The following CUX1 variants were observed in gnomAD, a reference collection of about 807,000 sequenced individuals.
CUX1 encodes cut like homeobox 1, also known as protein CASP.
CUX1 carries 31 observed loss-of-function variants against 158.8 expected under a neutral mutation model. The ratio of observed to expected loss-of-function variants is 0.20; its 90% CI spans 0.15 to 0.26. The LOEUF (loss-of-function observed/expected upper bound fraction) is 0.26. CUX1 is among the 10% of genes least tolerant of loss of function. The pLI is 1.00. For missense variants in CUX1, 1,589 were observed against 2,014.6 expected (o/e 0.79, Z 4.04); for synonymous variants, 879 against 862.1 (o/e 1.02, Z -0.34).
rs193259884 is a variant in CUX1 at position 102,252,472 on chromosome 7, C to T, written c.*3430C>T. On this transcript the variant is annotated 3_prime_UTR_variant, in exon 24 of 24. Transcript: ENST00000292535. ...GAAACGGTTCCATATAAAACACTAA[C>T]ACTTAATTACAAGCTCCATTATGCC... 172 of 985,464 alleles carry T rather than the reference C, an allele frequency of 1.7e-4. No individual in the cohort carries two copies. The highest frequency in any genetic ancestry group is 1.8e-4 in the Non-Finnish European group (152 of 829,948). The allele number at this position is 985,464 out of a possible 1,614,324, so 61.0% of individuals were successfully genotyped here.
chr7:102,180,914 TTATTG>T (rs797041393), intron 11 of CUX1, among the ~76,000 whole-genome samples: 11,610 of 63,276 alleles, frequency 0.18, 695 homozygotes, highest in African/African-American at 0.42. Flanking sequence ...TTATTTTATT[TTATTG>T]TATTTTATTT....
intron 1 of CUX1, among the ~76,000 whole-genome samples, chr7:101,832,744 G>A (rs1030029943): frequency 2.0e-5 from 3 of 152,220 alleles, no homozygotes; most frequent in Admixed American, 6.5e-5. Flanking sequence ...CTGGTGGCAA[G>A]GCAGGTACCT....
intron 8 of CUX1, among the ~76,000 whole-genome samples, chr7:102,131,308 T>C (rs1833207942): frequency 6.6e-6 from 1 of 152,110 alleles, no homozygotes; most frequent in Non-Finnish European, 1.5e-5. Context: ...TTTCTTATAG[T>C]AGCTTTCTGA....
At chr7:101,816,843 C>T (rs1448220906), upstream of CUX1, 3 of 911,756 alleles carry the variant, frequency 3.3e-6, no homozygotes, top group East Asian at 2.5e-4. Context: ...CCCGGCCGGC[C>T]CCGGCCGCCG....
Position 101,824,655 on chromosome 7 carries a change from C to T in CUX1, c.30+6986C>T, listed in dbSNP as rs560924719. ...TAGCCTCCGGGTGTTACCTGGAGCC[C>T]TTGCTGTCAGGACGGCCTGTCACTT... is the stretch of plus-strand genomic sequence containing the variant. On this transcript the variant is annotated intron_variant, in intron 1 of 23. Transcript: ENST00000292535. 2.6e-5 allele frequency: 4 copies of T among 152,300 alleles called. No individual in the cohort carries two copies. In the South Asian group the frequency reaches 8.3e-4, roughly 32 times the overall value. The allele number at this position is 152,300 out of a possible 1,614,324, so 9.4% of individuals were successfully genotyped here.
Position 102,202,217 on chromosome 7 carries a change from C to T in CUX1, c.2907+13C>T. ...CTTCGGGGAGAAGGTAAGGGATCTG[C>T]TCTGGGGGCTTTGGTTCTCCCATCT... On this transcript the variant is annotated intron_variant, in intron 18 of 23. Coordinates refer to ENST00000292535, the MANE Select transcript of CUX1 (RefSeq NM_181552.4). The T allele has an allele frequency of 1.3e-6, 2 of 1,574,880 alleles. No individual in the cohort carries two copies. Among genetic ancestry groups the T allele is most frequent in the South Asian group, 1.2e-5 (1 of 85,216 alleles).
At chr7:101,851,033 G>A (rs752988849) in intron 1 of CUX1, among the ~76,000 whole-genome samples, 47 of 152,088 alleles carry the variant, frequency 3.1e-4, no homozygotes, top group Non-Finnish European at 6.0e-4. Flanking sequence ...TGCTTAAGCT[G>A]GGGAGGTCAA....
chr7:102,190,885 G>C (rs1554516798), intron 12 of CUX1, among the ~76,000 whole-genome samples: 1 of 152,000 alleles, frequency 6.6e-6, no homozygotes, highest in African/African-American at 2.4e-5. Flanking sequence ...TGCCCCTCCT[G>C]CTGTCCCATC....
At chr7:102,123,982 T>C (rs1330248397) in intron 8 of CUX1, among the ~76,000 whole-genome samples, 7 of 152,146 alleles carry the variant, frequency 4.6e-5, no homozygotes, top group Non-Finnish European at 1.0e-4. Flanking sequence ...ATCATATTCA[T>C]CCAGCATCCT....
At chr7:102,242,692 C>T (rs1437046993) in intron 23 of CUX1, among the ~76,000 whole-genome samples, 1 of 152,154 alleles carries the variant, frequency 6.6e-6, no homozygotes, top group Non-Finnish European at 1.5e-5. Flanking sequence ...GTTCCCTGGC[C>T]CTGCTGGAGC....
At chr7:102,216,503 C>CGT (rs1441960417) in intron 20 of CUX1, among the ~76,000 whole-genome samples, 8 of 136,474 alleles carry the variant, frequency 5.9e-5, no homozygotes, top group African/African-American at 2.0e-4. Flanking sequence ...AGAGGGCGTG[C>CGT]GTGTGTGCGC....
chr7:102,069,099 C>A (rs190133883), intron 3 of CUX1, among the ~76,000 whole-genome samples: 1 of 152,138 alleles, frequency 6.6e-6, no homozygotes, highest in African/African-American at 2.4e-5. Flanking sequence ...TCTCTCCAGC[C>A]GCCCTCTCCT....
At chr7:101,839,893 C>T (rs1272532579) in intron 1 of CUX1, among the ~76,000 whole-genome samples, 1 of 152,154 alleles carries the variant, frequency 6.6e-6, no homozygotes, top group Non-Finnish European at 1.5e-5. Context: ...TCCCCAGTAG[C>T]TGGGATTACA....
At chr7:102,216,876 CACAT>C (rs1461174264) in intron 20 of CUX1, among the ~76,000 whole-genome samples, 1 of 77,936 alleles carries the variant, frequency 1.3e-5, no homozygotes, top group African/African-American at 3.9e-5. Flanking sequence ...CTCTCACACA[CACAT>C]TATCTCACAC....
At chr7:101,890,792 C>G (rs956986688) in intron 1 of CUX1, among the ~76,000 whole-genome samples, 2 of 152,154 alleles carry the variant, frequency 1.3e-5, no homozygotes, top group South Asian at 2.1e-4. Context: ...AAGTTAACCT[C>G]GAACTCTTCC....
chr7:101,828,504 C>T (rs983163389), intron 1 of CUX1, among the ~76,000 whole-genome samples: 2 of 152,044 alleles, frequency 1.3e-5, no homozygotes, highest in African/African-American at 4.8e-5. Flanking sequence ...TATGAACGAA[C>T]GGGGAAAGTG....
chr7:102,041,329 A>G (rs6973996), intron 3 of CUX1, among the ~76,000 whole-genome samples: 29,906 of 132,900 alleles, frequency 0.23, 3,332 homozygotes, highest in Middle Eastern at 0.31. Flanking sequence ...GCAGTGGCTC[A>G]CCATAATCTC....
chr7:101,945,856 T>C lies in CUX1; in HGVS notation c.141+29631T>C, dbSNP rs2129146275. Among the ~76,000 whole-genome samples, 3 of 152,312 alleles carry C rather than the reference T, an allele frequency of 2.0e-5. No homozygotes were observed. The South Asian group carries it at 6.2e-4, about 32-fold the overall frequency. On this transcript the variant is annotated intron_variant, in intron 2 of 23. Transcript: ENST00000292535. ...CTTCCCTTCCCTCCACCTATGGGTC[T>C]GAGTGGCAGGAAGAGTTCTAGCTGT...
intron 3 of CUX1, among the ~76,000 whole-genome samples, chr7:102,057,214 C>A (rs1240749253): frequency 6.6e-6 from 1 of 152,142 alleles, no homozygotes; most frequent in Non-Finnish European, 1.5e-5. Flanking sequence ...AGGTTCTTTT[C>A]AAAATATGAC....
Sources: allele counts gnomAD v4.1 joint callset (sites outside exome capture counted in the v4.1 genomes callset), GRCh38; gene constraint gnomAD v4.1.1; transcripts MANE v1.5; gene names NCBI Gene and HGNC (gene_info 2026-07-23, HGNC 2026-07-21).